LCN8: variants seen among roughly 807,000 people sequenced by gnomAD.
The protein encoded by LCN8 is epididymal-specific lipocalin-8.
LCN8 carries 16 observed loss-of-function variants against 22.8 expected under a neutral mutation model. The observed-to-expected ratio is 0.70, with a 90% CI of 0.47 to 1.06. The LOEUF (loss-of-function observed/expected upper bound fraction) is 1.06, where lower values mean the gene tolerates loss of function less well. LCN8 is among the 50% of genes least tolerant of loss of function. LCN8 has a pLI of 0.00. For missense variants in LCN8, 189 were observed against 203.3 expected (o/e 0.93, Z 0.43); for synonymous variants, 92 against 83.4 (o/e 1.10, Z -0.56).
rs567638511 is a variant in LCN8, at chr9:136,757,477, C to A, written c.25-309G>T. 1.7e-4 allele frequency: 224 copies of A among 1,351,324 alleles called. No individual in the cohort carries two copies. In the African/African-American group the frequency reaches 3.0e-3, roughly 18 times the overall value. 83.7% of individuals were successfully genotyped at this position (1,351,324 alleles called of 1,614,324 possible). A position where few individuals can be genotyped will look rare whatever the true frequency, so the allele number is the denominator to read the frequency against. On this transcript the variant is annotated intron_variant, in intron 1 of 6. Coordinates refer to ENST00000371688, the MANE Select transcript of LCN8 (RefSeq NM_178469.4). Reference sequence around the variant, plus strand: ...GGGAGGAACCACAGGCCCTGCCTGACCTCGGAGGCAGGACCCAGGAGCAGA... The same window carrying A: ...GGGAGGAACCACAGGCCCTGCCTGAACTCGGAGGCAGGACCCAGGAGCAGA...
chr9:136,755,243 C>G lies in LCN8; in HGVS notation c.421+1G>C. 6.2e-7 allele frequency: 1 copy of G among 1,612,642 alleles called. No homozygotes were observed. The highest frequency in any genetic ancestry group is 8.5e-7 in the Non-Finnish European group (1 of 1,179,886). ...CTCCACCCCAAGGCCCCTGGGCTCA[C>G]CAGGCCGGGCCGCCAGGTAGAGACC... On this transcript the variant is annotated splice_donor_variant, in intron 5 of 6. Transcript: ENST00000371688. LOFTEE classifies it high-confidence loss of function.
chr9:136,756,777 C>G (rs1404070811), intron 2 of LCN8, among the ~76,000 whole-genome samples, 185 bp from the exon 3 acceptor site: 1 of 152,220 alleles, frequency 6.6e-6, no homozygotes, highest in South Asian at 2.1e-4. Context: ...TCTGTTCCCT[C>G]CAGCCAGTCA....
At position 136,755,121 on chromosome 9, in the gene LCN8, G is replaced by C; in HGVS notation, c.447+14C>G. 6.4e-7 allele frequency: 1 copy of C among 1,555,786 alleles called. No individual in the cohort carries two copies. The stretch of plus-strand genomic sequence containing the variant: ...GGAACTTCAGCACAGGCCAGGGTCG[G>C]GGGTCAGGCTCACCTCCTTCAGGAG... On this transcript the variant is annotated intron_variant, in intron 6 of 6. Transcript: ENST00000371688.
intron 3 of LCN8, 35 bp from the exon 4 acceptor site, chr9:136,755,551 C>A: frequency 1.3e-6 from 2 of 1,593,416 alleles, no homozygotes; most frequent in South Asian, 1.1e-5. Flanking sequence ...GGGGAGACGT[C>A]TGAGGGGGAC....
At chr9:136,754,610 G>T in intron 6 of LCN8, 101 bp from the exon 7 acceptor site, 1 of 1,488,220 alleles carries the variant, frequency 6.7e-7, no homozygotes. Context: ...CTCGCTGCCT[G>T]GTTTTGCGCA....
rs371824748 is a variant in LCN8, at chr9:136,755,091, G to A, written c.447+44C>T. The A allele has an allele frequency of 4.1e-5, 60 of 1,480,244 alleles. No individual in the cohort carries two copies. The African/African-American group carries it at 8.0e-4, about 20-fold the overall frequency. 91.7% of individuals were successfully genotyped at this position (1,480,244 alleles called of 1,614,324 possible). A position where few individuals can be genotyped will look rare whatever the true frequency, so the allele number is the denominator to read the frequency against. On this transcript the variant is annotated intron_variant, in intron 6 of 6. Coordinates refer to ENST00000371688, the MANE Select transcript of LCN8 (RefSeq NM_178469.4). ...GACAGGGCCAGGGACTGGGCCAGGG[G>A]CCCGGGAACTTCAGCACAGGCCAGG...
At chr9:136,756,397 A>C (rs912033190) in intron 3 of LCN8, 125 bp downstream of exon 3, 1 of 1,604,198 alleles carries the variant, frequency 6.2e-7, no homozygotes, top group Admixed American at 1.7e-5. Flanking sequence ...CAGTGCAGGG[A>C]ACAGCACAGA....
chr9:136,756,097 G>C, intron 3 of LCN8: 1 of 1,122,168 alleles, frequency 8.9e-7, no homozygotes, highest in Admixed American at 2.6e-5. Flanking sequence ...ACAGCATGGG[G>C]AACAGTGCAG....
Position 136,756,502 on chromosome 9 carries a change from C to G in LCN8, c.226+20G>C, listed in dbSNP as rs1847203995. ...TGCACAGCCGGGTTCCACCTGCCAT[C>G]ACAGGGCAACTGCACTTACCAGGAA... On this transcript the variant is annotated intron_variant, in intron 3 of 6. Transcript: ENST00000371688. 1.9e-6 allele frequency: 3 copies of G among 1,613,992 alleles called. No individual in the cohort carries two copies. Among genetic ancestry groups the G allele is most frequent in the Non-Finnish European group, 2.5e-6 (3 of 1,180,024 alleles).
intron 3 of LCN8, chr9:136,756,069 CA>C (rs1847185059): frequency 7.8e-7 from 1 of 1,275,066 alleles, no homozygotes; most frequent in African/African-American, 1.7e-5. Context: ...GGGAACAGTG[CA>C]GGGAGCATTG....
chr9:136,754,868 C>A (rs964850347), intron 6 of LCN8: 1 of 1,365,030 alleles, frequency 7.3e-7, no homozygotes, highest in Non-Finnish European at 9.4e-7. Context: ...CCCCACCCAG[C>A]TCTGCACCCC....
intron 1 of LCN8, chr9:136,757,607 G>C: frequency 7.1e-7 from 1 of 1,403,224 alleles, no homozygotes; most frequent in Non-Finnish European, 9.3e-7. Context: ...CCAGAGGATG[G>C]GCCTCCTGCC....
At chr9:136,754,838 G>A (rs1588306111) in intron 6 of LCN8, 22 of 1,347,666 alleles carry the variant, frequency 1.6e-5, no homozygotes, top group East Asian at 1.1e-4. Flanking sequence ...CGAAGAAAAG[G>A]CGCCATTTCT....
At chr9:136,756,260 C>G in intron 3 of LCN8, 1 of 1,448,338 alleles carries the variant, frequency 6.9e-7, no homozygotes, top group Non-Finnish European at 9.1e-7. Context: ...GGGAATGGCG[C>G]AGAGAAAAGT....
At chr9:136,755,371 G>C (rs543562878) in intron 4 of LCN8, 38 bp from the exon 5 acceptor site, 1 of 1,610,676 alleles carries the variant, frequency 6.2e-7, no homozygotes, top group South Asian at 1.1e-5. Context: ...CAGTCCCTGG[G>C]AGAGCAGCAG....
Position 136,755,446 on chromosome 9 carries a change from C to T in LCN8, c.297G>A (p.Trp99Ter), listed in dbSNP as rs946969916. 7 of 1,613,150 alleles carry T rather than the reference C, an allele frequency of 4.3e-6. No homozygotes were observed. In the Admixed American group the frequency reaches 5.0e-5, roughly 12 times the overall value. Residue 99 changes from tryptophan to a stop codon, truncating the protein, a stop_gained, in exon 4 of 7, where the codon TGG (tryptophan) becomes TGA (stop). Transcript: ENST00000371688. LOFTEE classifies it high-confidence loss of function. ...TGAGGACGCGAAAGTTCCTGCCCCG[C>T]CACATCAGGGACACCCGCAGGATGG... ...GYAILRVSLM[W>*]RGRNFRVLKY...
chr9:136,755,094 C>G (rs376076787), intron 6 of LCN8, 41 bp downstream of exon 6: 16 of 1,484,594 alleles, frequency 1.1e-5, no homozygotes, highest in African/African-American at 1.4e-5. Context: ...GCCAGGGGCC[C>G]GGGAACTTCA....
rs564498413 is a variant in LCN8 at position 136,755,120 on chromosome 9, G to A, written c.447+15C>T. ...GGGAACTTCAGCACAGGCCAGGGTC[G>A]GGGGTCAGGCTCACCTCCTTCAGGA... On this transcript the variant is annotated intron_variant, in intron 6 of 6. Transcript: ENST00000371688. 1.3e-5 allele frequency: 20 copies of A among 1,552,286 alleles called. No homozygotes were observed. Among genetic ancestry groups the A allele is most frequent in the South Asian group, 1.1e-4 (9 of 82,954 alleles).
At chr9:136,756,731 C>G in intron 2 of LCN8, 139 bp from the exon 3 acceptor site, 1 of 1,347,470 alleles carries the variant, frequency 7.4e-7, no homozygotes, top group Non-Finnish European at 1.0e-6. Flanking sequence ...CAGGATGAGG[C>G]GGGGAATGTG....
Sources: gnomAD v4.1 joint callset for allele counts (sites outside exome capture counted in the v4.1 genomes callset) on GRCh38, gnomAD v4.1.1 for gene constraint, MANE v1.5 for transcripts, NCBI Gene and HGNC (gene_info 2026-07-23, HGNC 2026-07-21) for gene names.